FAM90A20: variants seen among roughly 807,000 people sequenced by gnomAD.
FAM90A20 encodes the protein protein FAM90A20.
At chr8:7,295,885 G>C in the FAM90A20 span, 1 of 641,812 alleles carries the variant, frequency 1.6e-6, no homozygotes, top group Non-Finnish European at 2.7e-6. Context: ...CTAAGGACAT[G>C]GTGTCTCTGC....
At chr8:7,296,113 A>T in the FAM90A20 span, among the ~76,000 whole-genome samples, 24 of 131,006 alleles carry the variant, frequency 1.8e-4, 2 homozygotes, top group South Asian at 4.9e-3. Flanking sequence ...GGAAGCCTAG[A>T]GGGCCACCTG....
the FAM90A20 span, chr8:7,297,706 T>A: frequency 7.9e-5 from 115 of 1,454,952 alleles, 8 homozygotes; most frequent in South Asian, 1.4e-4. Context: ...TGCCCAGCGT[T>A]GAACGGCAGC....
the FAM90A20 span, among the ~76,000 whole-genome samples, chr8:7,296,578 T>C: frequency 7.4e-6 from 1 of 135,820 alleles, no homozygotes; most frequent in Non-Finnish European, 1.5e-5. Context: ...GAAGATGCCG[T>C]ATTTCCTGTG....
chr8:7,296,526 C>G, the FAM90A20 span: 2 of 630,678 alleles, frequency 3.2e-6, no homozygotes, highest in Non-Finnish European at 2.9e-6. Flanking sequence ...TCAGGGCCTC[C>G]ACGATCCTTG....
At chr8:7,297,597 G>C in the FAM90A20 span, 1 of 1,482,174 alleles carries the variant, frequency 6.7e-7, no homozygotes, top group Non-Finnish European at 9.1e-7. Context: ...ATCCAGGGAG[G>C]TGAGCTGGGG....
chr8:7,297,682 G>A, the FAM90A20 span: 14 of 1,393,054 alleles, frequency 1.0e-5, no homozygotes, highest in East Asian at 2.7e-4. Context: ...TGGGCAGGAG[G>A]ACACCGGCCC....
At chr8:7,297,569 C>G in the FAM90A20 span, 49 of 1,513,494 alleles carry the variant, frequency 3.2e-5, 5 homozygotes, top group Middle Eastern at 2.3e-4. Flanking sequence ...GGGTCCCTTC[C>G]AGATCCCCGA....
chr8:7,296,044 A>G, the FAM90A20 span, among the ~76,000 whole-genome samples: 190 of 129,226 alleles, frequency 1.5e-3, 15 homozygotes, highest in South Asian at 2.7e-3. Flanking sequence ...GGGGCGCTTC[A>G]TGCAGGTTCC....
chr8:7,297,541 C>T, the FAM90A20 span: 43 of 1,523,356 alleles, frequency 2.8e-5, 5 homozygotes, highest in South Asian at 1.8e-4. Flanking sequence ...GCCTGAACTT[C>T]CCCAAGAAAC....
chr8:7,297,578 G>A, the FAM90A20 span: 6 of 1,511,044 alleles, frequency 4.0e-6, 1 homozygote, highest in Non-Finnish European at 2.7e-6. Flanking sequence ...CCAGATCCCC[G>A]AAAGCACCAT....
At chr8:7,296,501 C>A in the FAM90A20 span, 1 of 647,326 alleles carries the variant, frequency 1.5e-6, no homozygotes, top group Non-Finnish European at 2.8e-6. Flanking sequence ...ACCCCTCTTT[C>A]TTGTCTTCTT....
the FAM90A20 span, among the ~76,000 whole-genome samples, chr8:7,296,593 T>C: frequency 2.2e-5 from 3 of 135,720 alleles, 1 homozygote; most frequent in African/African-American, 1.1e-4. Context: ...CCTGTGGCTT[T>C]CTTTCTGTCC....
the FAM90A20 span, chr8:7,297,360 C>T: frequency 6.3e-6 from 9 of 1,438,708 alleles, 1 homozygote; most frequent in South Asian, 5.7e-5. Context: ...CCCCAGGCTG[C>T]CTCCAAAACC....
the FAM90A20 span, chr8:7,296,229 G>T: frequency 3.1e-4 from 212 of 673,656 alleles, 13 homozygotes; most frequent in Non-Finnish European, 9.5e-5. Flanking sequence ...CCCAGACGGG[G>T]TTCTCCCTGT....
At chr8:7,296,913 G>A in the FAM90A20 span, 3 of 671,318 alleles carry the variant, frequency 4.5e-6, 1 homozygote, top group Non-Finnish European at 2.5e-6. Flanking sequence ...CAGCACTCAG[G>A]TGGAGGGTCT....
chr8:7,296,689 C>T, the FAM90A20 span, among the ~76,000 whole-genome samples: 1 of 135,592 alleles, frequency 7.4e-6, no homozygotes, highest in Non-Finnish European at 1.5e-5. Flanking sequence ...GAAGGCTAAA[C>T]CCAGGAACAT....
At chr8:7,296,468 C>G in the FAM90A20 span, 3 of 687,608 alleles carry the variant, frequency 4.4e-6, no homozygotes, top group Non-Finnish European at 8.0e-6. Flanking sequence ...TTCAGCTTCC[C>G]GTCTGCGGGA....
chr8:7,295,525 G>C, the FAM90A20 span: 1 of 589,404 alleles, frequency 1.7e-6, no homozygotes, highest in East Asian at 3.1e-5. Context: ...TCCCCTCTTT[G>C]GAATCCTTAT....
At chr8:7,297,441 C>T in the FAM90A20 span, 6 of 1,554,478 alleles carry the variant, frequency 3.9e-6, no homozygotes, top group Non-Finnish European at 4.3e-6. Flanking sequence ...CAGCCCTGCC[C>T]ATCAGCCGCC....
Sources: allele counts gnomAD v4.1 joint callset (sites outside exome capture counted in the v4.1 genomes callset), GRCh38; gene constraint gnomAD v4.1.1; transcripts MANE v1.5; gene names NCBI Gene and HGNC (gene_info 2026-07-23, HGNC 2026-07-21).